FSTL5: variants seen among roughly 807,000 people sequenced by gnomAD.
FSTL5 encodes the protein follistatin like 5.
Under a neutral mutation model 89.1 loss-of-function variants are expected in FSTL5, and 62 were observed. That is an observed-to-expected ratio of 0.70 (90% CI 0.57 to 0.86). The LOEUF (loss-of-function observed/expected upper bound fraction) is 0.86, where lower values mean the gene tolerates loss of function less well. Among genes scored for constraint, FSTL5 ranks in the 40% least tolerant of loss-of-function variants. The pLI, the probability that FSTL5 is intolerant of heterozygous loss-of-function variation, is 0.00. For missense variants in FSTL5, 1,057 were observed against 1,001.6 expected (o/e 1.06, Z -0.75); for synonymous variants, 383 against 346.2 (o/e 1.11, Z -1.18).
intron 13 of FSTL5, among the ~76,000 whole-genome samples, chr4:161,469,689 G>T (rs940485912): frequency 6.7e-6 from 1 of 150,112 alleles, no homozygotes; most frequent in Non-Finnish European, 1.5e-5. Context: ...CCAGGCTGGA[G>T]TGCAGTGGTG....
chr4:161,454,522 A>T (rs1733280782), intron 15 of FSTL5, among the ~76,000 whole-genome samples: 1 of 152,188 alleles, frequency 6.6e-6, no homozygotes, highest in Non-Finnish European at 1.5e-5. Flanking sequence ...TCCTAATACA[A>T]TTTTATATTA....
intron 8 of FSTL5, among the ~76,000 whole-genome samples, chr4:161,559,794 T>C (rs944797548): frequency 6.6e-6 from 1 of 151,962 alleles, no homozygotes; most frequent in East Asian, 1.9e-4. Flanking sequence ...TGGTAGGTGA[T>C]GTTGTCACCA....
At chr4:161,977,612 C>CT (rs1735687974) in intron 3 of FSTL5, among the ~76,000 whole-genome samples, 1 of 95,140 alleles carries the variant, frequency 1.1e-5, no homozygotes, top group Non-Finnish European at 2.1e-5. Context: ...GACTCCGTGT[C>CT]AAAAAAAAAA....
chr4:161,679,306 C>T (rs982739643), intron 6 of FSTL5, among the ~76,000 whole-genome samples: 3 of 151,636 alleles, frequency 2.0e-5, no homozygotes, highest in African/African-American at 2.4e-5. Flanking sequence ...TGAGTATCTA[C>T]TATAAGCTAC....
At chr4:161,823,022 C>G (rs1185758378) in intron 4 of FSTL5, among the ~76,000 whole-genome samples, 1 of 152,144 alleles carries the variant, frequency 6.6e-6, no homozygotes. Flanking sequence ...GCTGGTAGCT[C>G]CTTTCCACAG....
At chr4:161,769,921 C>G (rs1741149487) in intron 5 of FSTL5, among the ~76,000 whole-genome samples, 2 of 151,066 alleles carry the variant, frequency 1.3e-5, no homozygotes, top group Non-Finnish European at 3.0e-5. Context: ...AAGACTCCAC[C>G]AAAAAAACTA....
At chr4:161,967,881 C>G (rs879797625) in intron 3 of FSTL5, among the ~76,000 whole-genome samples, 1 of 152,082 alleles carries the variant, frequency 6.6e-6, no homozygotes, top group African/African-American at 2.4e-5. Flanking sequence ...CTCAATATAA[C>G]TTACAAACAA....
At chr4:161,651,238 G>C (rs1254390593) in intron 7 of FSTL5, among the ~76,000 whole-genome samples, 1 of 151,372 alleles carries the variant, frequency 6.6e-6, no homozygotes, top group African/African-American at 2.4e-5. Flanking sequence ...ATCCAGCTGA[G>C]TGAATATAAT....
At chr4:161,453,922 T>G (rs1578985809) in intron 15 of FSTL5, among the ~76,000 whole-genome samples, 1 of 152,174 alleles carries the variant, frequency 6.6e-6, no homozygotes, top group African/African-American at 2.4e-5. Context: ...ATCACTTTTT[T>G]GCTGAGCACA....
intron 4 of FSTL5, among the ~76,000 whole-genome samples, chr4:161,780,352 GTT>G (rs780986461): frequency 2.0e-5 from 3 of 151,946 alleles, no homozygotes; most frequent in Non-Finnish European, 4.4e-5. Context: ...TGCTTATATG[GTT>G]ACTTTGATAG....
intron 6 of FSTL5, among the ~76,000 whole-genome samples, chr4:161,713,988 T>C (rs1243605284): frequency 6.6e-6 from 1 of 152,194 alleles, no homozygotes; most frequent in African/African-American, 2.4e-5. Context: ...AAACCTGTGC[T>C]TCCACTTTTT....
chr4:162,092,413 A>G (rs947665572), intron 2 of FSTL5, among the ~76,000 whole-genome samples: 1 of 152,210 alleles, frequency 6.6e-6, no homozygotes, highest in African/African-American at 2.4e-5. Flanking sequence ...GATACTAAAT[A>G]TAAGTTTTCT....
chr4:161,408,097 C>T (rs1268694510), intron 15 of FSTL5, among the ~76,000 whole-genome samples: 1 of 152,146 alleles, frequency 6.6e-6, no homozygotes, highest in Non-Finnish European at 1.5e-5. Flanking sequence ...CCTCCATCCG[C>T]AGGGTTGTTT....
intron 13 of FSTL5, among the ~76,000 whole-genome samples, chr4:161,475,770 G>A (rs1734114038): frequency 6.7e-6 from 1 of 150,236 alleles, no homozygotes; most frequent in Admixed American, 6.7e-5. Flanking sequence ...TTTTTTTTGA[G>A]AGGGAGTCTC....
chr4:162,012,549 T>C (rs1560969605), intron 3 of FSTL5, among the ~76,000 whole-genome samples: 1 of 152,138 alleles, frequency 6.6e-6, no homozygotes, highest in Admixed American at 6.6e-5. Context: ...ATAAAATCTA[T>C]GGAAAAATTT....
chr4:162,038,636 A>C (rs765371672), intron 2 of FSTL5, among the ~76,000 whole-genome samples: 13 of 151,850 alleles, frequency 8.6e-5, no homozygotes, highest in Non-Finnish European at 1.5e-4. Flanking sequence ...ACTAGGAGAT[A>C]TTAAGGATAT....
At chr4:161,481,953 C>T (rs1437678922) in intron 12 of FSTL5, among the ~76,000 whole-genome samples, 1 of 152,170 alleles carries the variant, frequency 6.6e-6, no homozygotes, top group Non-Finnish European at 1.5e-5. Context: ...AATGTTTTCA[C>T]GTTTTCTTTT....
chr4:161,611,711 A>G (rs1290539720), intron 7 of FSTL5, among the ~76,000 whole-genome samples: 2 of 152,218 alleles, frequency 1.3e-5, no homozygotes, highest in South Asian at 4.1e-4. Flanking sequence ...TAGGAAAAAA[A>G]TAGGGTAGGA....
At chr4:161,815,619 C>A (rs1055323458) in intron 4 of FSTL5, among the ~76,000 whole-genome samples, 18 of 151,664 alleles carry the variant, frequency 1.2e-4, no homozygotes, top group Admixed American at 1.3e-4. Flanking sequence ...TTTAAGTGAC[C>A]CTTTATTCAG....
Sources: allele counts gnomAD v4.1 joint callset (sites outside exome capture counted in the v4.1 genomes callset), GRCh38; gene constraint gnomAD v4.1.1; transcripts MANE v1.5; gene names NCBI Gene and HGNC (gene_info 2026-07-23, HGNC 2026-07-21).